The following NRROS variants were observed in gnomAD, a reference collection of about 807,000 sequenced individuals.
NRROS encodes the protein transforming growth factor beta activator LRRC33.
NRROS carries 6 observed loss-of-function variants against 12.0 expected under a neutral mutation model. The ratio of observed to expected loss-of-function variants is 0.50; its 90% CI spans 0.27 to 0.98. The LOEUF (loss-of-function observed/expected upper bound fraction) is 0.98. Ranked by LOEUF, NRROS falls within the 50% of genes least tolerant of loss-of-function variation. The probability of loss-of-function intolerance (pLI) is 0.11; values close to 1 mark genes in which losing one functional copy is unlikely to be tolerated. For missense variants in NRROS, 857 were observed against 888.2 expected (o/e 0.96, Z 0.45); for synonymous variants, 462 against 410.2 (o/e 1.13, Z -1.53).
At chr3:196,646,144 A>C (rs1490432087) in intron 1 of NRROS, among the ~76,000 whole-genome samples, 2 of 152,222 alleles carry the variant, frequency 1.3e-5, no homozygotes, top group African/African-American at 4.8e-5. Context: ...GAGGCCATCA[A>C]GGCAAGTGCT....
Position 196,661,272 on chromosome 3 carries a change from G to A in NRROS, c.1629G>A (p.Leu543=). Residue 543 remains leucine (L), a synonymous_variant, in exon 3 of 3, where the codon CTG becomes CTA. Coordinates refer to ENST00000328557, the MANE Select transcript of NRROS (RefSeq NM_198565.3). ...SGFGNLRDLD[L]SGNCLTTFPR... Reference sequence around the variant, plus strand: ...TTGGGAATCTCAGGGACTTAGATCTGTCGGGGAATTGCTTGACCACCTTCC... The same window carrying A: ...TTGGGAATCTCAGGGACTTAGATCTATCGGGGAATTGCTTGACCACCTTCC... The A allele has an allele frequency of 6.2e-7, 1 of 1,613,568 alleles. No individual in the cohort carries two copies. Among genetic ancestry groups the A allele is most frequent in the Middle Eastern group, 1.7e-4 (1 of 6,058 alleles).
In NRROS at chr3:196,659,831, C is replaced by T. The variant is rs1298128450; in HGVS notation, c.188C>T (p.Thr63Ile). The T allele has an allele frequency of 1.9e-6, 3 of 1,613,942 alleles. No homozygotes were observed. The highest frequency in any genetic ancestry group is 1.1e-5 in the South Asian group (1 of 91,092). The change falls in exon 3 of 3, where the codon ACC (threonine) becomes ATC (isoleucine). Residue 63 changes from threonine (T) to isoleucine (I), a missense_variant. Transcript: ENST00000328557. ...SSLPPHARML[T>I]LDANPLKTLW... is the part of the protein sequence containing the mutation. ...CTCCCGCCCCACGCCCGGATGCTCA[C>T]CCTGGATGCCAACCCTCTCAAGACC...
Position 196,654,695 on chromosome 3 carries a change from AGGCTT to A in NRROS, c.108+51_108+55del. On this transcript the variant is annotated intron_variant, in intron 2 of 2. Coordinates refer to ENST00000328557, the MANE Select transcript of NRROS (RefSeq NM_198565.3). This position sits in a 1 kb window ranked among gnomAD's most constrained non-coding sequence, Gnocchi z 4.4. ...TCTGTCGGCTGCTCCTGTCCTGACA[AGGCTT>A]GGTCCATTTGGAAAGCTGACAGATT... is the stretch of plus-strand genomic sequence containing the variant. 1 of 1,186,590 alleles carries A rather than the reference AGGCTT, an allele frequency of 8.4e-7. No individual in the cohort carries two copies. Among genetic ancestry groups the A allele is most frequent in the Non-Finnish European group, 1.2e-6 (1 of 813,704 alleles). 73.5% of individuals were successfully genotyped at this position (1,186,590 alleles called of 1,614,324 possible). A position where few individuals can be genotyped will look rare whatever the true frequency, so the allele number is the denominator to read the frequency against.
Position 196,661,320 on chromosome 3 carries a change from C to A in NRROS, c.1677C>A (p.Ala559=), listed in dbSNP as rs145650506. ...TTFPRFGGSL[A]LETLDLRRNS... is the part of the protein sequence containing the mutation. ...TCCCAAGGTTTGGGGGCAGCCTGGC[C>A]CTGGAGACCCTGGATCTCCGTAGAA... Residue 559 remains alanine (A), a synonymous_variant, in exon 3 of 3, where the codon GCC becomes GCA. Transcript: ENST00000328557. 2.4e-5 allele frequency: 38 copies of A among 1,598,760 alleles called. No homozygotes were observed. In the African/African-American group the frequency reaches 4.6e-4, roughly 19 times the overall value.
chr3:196,655,412 G>A (rs1315838737), intron 2 of NRROS, among the ~76,000 whole-genome samples: 1 of 150,860 alleles, frequency 6.6e-6, no homozygotes, highest in Non-Finnish European at 1.5e-5. Context: ...GTGCATGCCT[G>A]TAATTCCAGC....
intron 2 of NRROS, among the ~76,000 whole-genome samples, chr3:196,658,845 C>CACACT (rs1438462561): frequency 2.0e-5 from 3 of 152,086 alleles, no homozygotes; most frequent in Non-Finnish European, 4.4e-5. Flanking sequence ...TGGCATGTGC[C>CACACT]TGTAATCCCA....
intron 1 of NRROS, among the ~76,000 whole-genome samples, chr3:196,642,766 A>G (rs1435873435): frequency 6.6e-6 from 1 of 152,148 alleles, no homozygotes; most frequent in Non-Finnish European, 1.5e-5. Context: ...TGTACACCTA[A>G]AAATGGTTAA....
intron 2 of NRROS, among the ~76,000 whole-genome samples, chr3:196,656,802 A>G (rs902146889): frequency 2.6e-5 from 4 of 152,124 alleles, no homozygotes; most frequent in African/African-American, 9.7e-5. Context: ...GCTGCCAGGA[A>G]GCCCAAAGAG....
chr3:196,661,250 G>T lies in NRROS; in HGVS notation c.1607G>T (p.Gly536Val). Residue 536 changes from glycine (G) to valine (V), a missense_variant, in exon 3 of 3, where the codon GGG (glycine) becomes GTG (valine). Gly to Val is a moderately radical substitution (Grantham distance 109). Coordinates refer to ENST00000328557, the MANE Select transcript of NRROS (RefSeq NM_198565.3). ...SFMALDFSGF[G>V]NLRDLDLSGN... ...ATGGCGTTGGACTTCTCTGGGTTTGGGAATCTCAGGGACTTAGATCTGTCG... is the reference window on the plus strand; with the variant it reads ...ATGGCGTTGGACTTCTCTGGGTTTGTGAATCTCAGGGACTTAGATCTGTCG... The T allele has an allele frequency of 6.2e-7, 1 of 1,613,960 alleles. No individual in the cohort carries two copies. Among genetic ancestry groups the T allele is most frequent in the Admixed American group, 1.7e-5 (1 of 59,984 alleles).
At position 196,655,085 on chromosome 3, in the gene NRROS, A is replaced by ATCAG. The variant is rs377651572; in HGVS notation, c.108+443_108+446dup. The ATCAG allele has an allele frequency of 2.8e-3, 482 of 172,002 alleles. 3 individuals carry two copies. The highest frequency in any genetic ancestry group is 0.011 in the African/African-American group (456 of 41,558). The allele number at this position is 172,002 out of a possible 1,614,324, so 10.7% of individuals were successfully genotyped here. On this transcript the variant is annotated intron_variant, in intron 2 of 2. Coordinates refer to ENST00000328557, the MANE Select transcript of NRROS (RefSeq NM_198565.3). ...AACCACATCTCTACAAAATACAAGAATCAGTCAGGTGCGGTGGCACACACC... is the reference window on the plus strand; with the variant it reads ...AACCACATCTCTACAAAATACAAGAATCAGTCAGTCAGGTGCGGTGGCACACACC...
chr3:196,641,224 T>C (rs1229930892), intron 1 of NRROS, among the ~76,000 whole-genome samples: 2 of 152,102 alleles, frequency 1.3e-5, no homozygotes, highest in Non-Finnish European at 2.9e-5. Flanking sequence ...TTTATTTATT[T>C]ATTTTTAGAG....
intron 2 of NRROS, among the ~76,000 whole-genome samples, chr3:196,655,823 T>C (rs73084956): frequency 0.073 from 11,106 of 152,210 alleles, 452 homozygotes; most frequent in East Asian, 0.16. Flanking sequence ...AACTGAGAAA[T>C]TTCCAGTAAT....
chr3:196,650,044 G>C (rs1362913565), intron 1 of NRROS, among the ~76,000 whole-genome samples: 2 of 152,194 alleles, frequency 1.3e-5, no homozygotes, highest in South Asian at 2.1e-4. Flanking sequence ...CCGTCACTCT[G>C]GCCGGGATAA....
rs1163944629 is a variant in NRROS, at chr3:196,661,444, G to C, written c.1801G>C (p.Val601Leu). 1 of 1,592,284 alleles carries C rather than the reference G, an allele frequency of 6.3e-7. No individual in the cohort carries two copies. Among genetic ancestry groups the C allele is most frequent in the Non-Finnish European group, 8.6e-7 (1 of 1,166,922 alleles). ...TCAGAATCCATATGACTGCTGTGGG[G>C]TGGATGGCTGGGGGGCCCTGCAGCA... is the stretch of plus-strand genomic sequence containing the variant. ...LSQNPYDCCG[V>L]DGWGALQHGQ... The change falls in exon 3 of 3, where the codon GTG becomes CTG. Residue 601 changes from valine to leucine, a missense_variant. Physicochemically the swap from Val to Leu is conservative, Grantham distance 32 (BLOSUM62 1). Coordinates refer to ENST00000328557, the MANE Select transcript of NRROS (RefSeq NM_198565.3).
chr3:196,642,731 G>A (rs896507004), intron 1 of NRROS, among the ~76,000 whole-genome samples: 1 of 152,130 alleles, frequency 6.6e-6, no homozygotes, highest in African/African-American at 2.4e-5. Context: ...GCACAGCCGC[G>A]TAAGGGTACT....
chr3:196,645,320 G>T (rs1352414680), intron 1 of NRROS, among the ~76,000 whole-genome samples: 1 of 152,124 alleles, frequency 6.6e-6, no homozygotes, highest in Non-Finnish European at 1.5e-5. Context: ...AGGGTCGCAG[G>T]CATCCCAGGG....
rs989459245 is a variant in NRROS at position 196,639,770 on chromosome 3, G to T, written c.-119G>T. ...TCCGCTGGTGCTAAAATAATCTGATGCCCCACAGCAAGGAGGTAGCCCAGC... is the reference window on the plus strand; with the variant it reads ...TCCGCTGGTGCTAAAATAATCTGATTCCCCACAGCAAGGAGGTAGCCCAGC... On this transcript the variant is annotated 5_prime_UTR_variant, in exon 1 of 3. It removes an upstream start codon present in the reference 5' UTR. Transcript: ENST00000328557. 3 of 152,498 alleles carry T rather than the reference G, an allele frequency of 2.0e-5. No individual in the cohort carries two copies. Among genetic ancestry groups the T allele is most frequent in the Admixed American group, 6.5e-5 (1 of 15,294 alleles). 9.4% of individuals were successfully genotyped at this position (152,498 alleles called of 1,614,324 possible).
At chr3:196,657,799 G>A (rs142385528) in intron 2 of NRROS, among the ~76,000 whole-genome samples, 2 of 152,132 alleles carry the variant, frequency 1.3e-5, no homozygotes, top group Non-Finnish European at 2.9e-5. Flanking sequence ...GAAGGGGGAT[G>A]TGGAAAGAAC....
At chr3:196,642,325 T>G (rs1737225050) in intron 1 of NRROS, among the ~76,000 whole-genome samples, 1 of 150,812 alleles carries the variant, frequency 6.6e-6, no homozygotes, top group South Asian at 2.1e-4. Context: ...TTCAAATAAC[T>G]GAAAAGTGTA....
Sources: gnomAD v4.1 joint callset for allele counts (sites outside exome capture counted in the v4.1 genomes callset) on GRCh38, gnomAD v4.1.1 for gene constraint, Gnocchi (gnomAD v3.1) non-coding constraint, MANE v1.5 for transcripts, NCBI Gene and HGNC (gene_info 2026-07-23, HGNC 2026-07-21) for gene names.